ZNF516: variants seen among roughly 807,000 people sequenced by gnomAD.
ZNF516 encodes the protein zinc finger protein 516.
A neutral mutation model predicts 79.7 loss-of-function variants in ZNF516; 19 were observed. That is an observed-to-expected ratio of 0.24 (90% CI 0.17 to 0.35). The LOEUF (loss-of-function observed/expected upper bound fraction) is 0.35. Among genes scored for constraint, ZNF516 ranks in the 10% least tolerant of loss-of-function variants. The pLI, the probability that ZNF516 is intolerant of heterozygous loss-of-function variation, is 1.00. For missense variants in ZNF516, 1,678 were observed against 1,679.5 expected (o/e 1.00, Z 0.02); for synonymous variants, 877 against 739.5 (o/e 1.19, Z -3.02).
At chr18:76,429,748 T>C (rs950367056) in intron 3 of ZNF516, among the ~76,000 whole-genome samples, 1 of 152,124 alleles carries the variant, frequency 6.6e-6, no homozygotes, top group African/African-American at 2.4e-5. Flanking sequence ...CGAGAAAGAA[T>C]AACCAGGAAA....
intron 3 of ZNF516, among the ~76,000 whole-genome samples, chr18:76,406,246 A>C (rs1481071806): frequency 6.6e-6 from 1 of 152,186 alleles, no homozygotes; most frequent in South Asian, 2.1e-4. Flanking sequence ...AGCCTCGTCC[A>C]TCTACTTAGC....
intron 3 of ZNF516, among the ~76,000 whole-genome samples, chr18:76,385,261 C>T (rs1189181100): frequency 6.6e-6 from 1 of 152,220 alleles, no homozygotes; most frequent in Non-Finnish European, 1.5e-5. Flanking sequence ...TGGGTGACTT[C>T]ACTGCGTCCC....
At chr18:76,434,710 C>T (rs776485985) in intron 3 of ZNF516, among the ~76,000 whole-genome samples, 2 of 152,178 alleles carry the variant, frequency 1.3e-5, no homozygotes, top group South Asian at 2.1e-4. Flanking sequence ...CTGCCCCTCG[C>T]GGACACACCA....
intron 1 of ZNF516, among the ~76,000 whole-genome samples, chr18:76,474,618 C>T (rs998772390): frequency 1.3e-5 from 2 of 151,990 alleles, no homozygotes; most frequent in Non-Finnish European, 2.9e-5. Flanking sequence ...TTCAATTCAA[C>T]CAGTAACAAA....
At chr18:76,385,860 G>A (rs966042522) in intron 3 of ZNF516, 5 of 152,122 alleles carry the variant, frequency 3.3e-5, no homozygotes, top group African/African-American at 1.2e-4. Context: ...GGTAGCGCCG[G>A]CCCCGGTGCC....
intron 3 of ZNF516, among the ~76,000 whole-genome samples, chr18:76,431,258 C>A (rs1366369186): frequency 2.6e-5 from 4 of 152,146 alleles, no homozygotes; most frequent in African/African-American, 9.7e-5. Context: ...AGGACACACA[C>A]ACACACACAC....
intron 3 of ZNF516, among the ~76,000 whole-genome samples, chr18:76,432,629 C>T (rs1025886385): frequency 2.6e-5 from 4 of 152,206 alleles, no homozygotes; most frequent in South Asian, 2.1e-4. Context: ...TGGGCCCCAG[C>T]GCCAATGAAA....
chr18:76,378,880 G>C lies in ZNF516; in HGVS notation c.3234C>G (p.Val1078=), dbSNP rs1332404357. ...CTCTGTGCTCCAACCCAGGGCCGCT[G>C]ACACCCCATCCCTGGTAGAGGGTCG... ...DFATLYQGWG[V]SGPGLEHRGT... The change falls in exon 4 of 7, where the codon GTC becomes GTG. Residue 1078 remains valine, a synonymous_variant. Coordinates refer to ENST00000443185, the MANE Select transcript of ZNF516 (RefSeq NM_014643.4). 2 of 1,613,470 alleles carry C rather than the reference G, an allele frequency of 1.2e-6. No individual in the cohort carries two copies. Among genetic ancestry groups the C allele is most frequent in the Non-Finnish European group, 1.7e-6 (2 of 1,179,674 alleles).
intron 1 of ZNF516, chr18:76,490,706 G>A: frequency 1.1e-6 from 1 of 924,954 alleles, no homozygotes; most frequent in Non-Finnish European, 1.3e-6. Flanking sequence ...GAAACTGCAT[G>A]GCAGGCTGAC....
At chr18:76,404,888 G>GT (rs1157364524) in intron 3 of ZNF516, among the ~76,000 whole-genome samples, 11 of 152,182 alleles carry the variant, frequency 7.2e-5, no homozygotes, top group African/African-American at 2.2e-4. Context: ...GAGCATGACT[G>GT]TGAGTAGGAG....
At position 76,379,641 on chromosome 18, in the gene ZNF516, T is replaced by C; in HGVS notation, c.2473A>G (p.Lys825Glu). 1.2e-6 allele frequency: 2 copies of C among 1,613,646 alleles called. No individual in the cohort carries two copies. The highest frequency in any genetic ancestry group is 1.7e-6 in the Non-Finnish European group (2 of 1,179,876). Residue 825 changes from lysine to glutamate, a missense_variant, in exon 4 of 7, where the codon AAA becomes GAA. Lys to Glu is a moderately conservative substitution (Grantham distance 56, BLOSUM62 1). Transcript: ENST00000443185. ...RTGPPPALGG[K>E]ECQPLLLARF... ...GCAAGGAGCAAAGGCTGGCATTCTT[T>C]GCCACCGAGGGCAGGCGGGGGGCCC...
rs191291999 is a variant in ZNF516 at position 76,361,644 on chromosome 18, A to G, written c.*854T>C. ...GGACTCAGTGGCTAAATAATTTGTT[A>G]AGACGTATAGTCTTCCTTTGTAAGC... On this transcript the variant is annotated 3_prime_UTR_variant, in exon 7 of 7. Transcript: ENST00000443185. The G allele has an allele frequency of 1.3e-5, 2 of 152,348 alleles. No individual in the cohort carries two copies. Among genetic ancestry groups the G allele is most frequent in the East Asian group, 3.9e-4 (2 of 5,188 alleles). 9.4% of individuals were successfully genotyped at this position (152,348 alleles called of 1,614,324 possible). A position where few individuals can be genotyped will look rare whatever the true frequency, so the allele number is the denominator to read the frequency against.
intron 3 of ZNF516, among the ~76,000 whole-genome samples, chr18:76,425,181 G>GA (rs111600866): frequency 3.2e-4 from 47 of 144,672 alleles, no homozygotes; most frequent in East Asian, 6.0e-4. Flanking sequence ...TCAAAAAAAA[G>GA]AAAAAAAAAA....
chr18:76,456,013 ACAGT>A (rs1412854852), intron 2 of ZNF516, among the ~76,000 whole-genome samples: 1 of 152,170 alleles, frequency 6.6e-6, no homozygotes, highest in Non-Finnish European at 1.5e-5. Context: ...GCATCCTCAA[ACAGT>A]CAGGTATCGT....
At chr18:76,373,269 G>A (rs1415385589) in intron 4 of ZNF516, among the ~76,000 whole-genome samples, 1 of 151,444 alleles carries the variant, frequency 6.6e-6, no homozygotes, top group East Asian at 1.9e-4. Flanking sequence ...GGGGAAAGGA[G>A]GGGAGACAGG....
At chr18:76,473,903 T>TGTGGGGG (rs58634236) in intron 1 of ZNF516, among the ~76,000 whole-genome samples, 14 of 54,178 alleles carry the variant, frequency 2.6e-4, no homozygotes, top group Non-Finnish European at 4.2e-4. Context: ...TGTTTTTGTG[T>TGTGGGGG]GGGGGGGGGG....
intron 1 of ZNF516, chr18:76,491,105 C>T: frequency 1.0e-6 from 1 of 983,790 alleles, no homozygotes. Context: ...ACGCCTTTCC[C>T]ACCGCCCCAC....
At chr18:76,452,184 C>A (rs1290884159) in intron 2 of ZNF516, among the ~76,000 whole-genome samples, 2 of 152,202 alleles carry the variant, frequency 1.3e-5, no homozygotes, top group Non-Finnish European at 2.9e-5. Flanking sequence ...AGCAGCAACG[C>A]GGCCCCCTGA....
At chr18:76,490,044 A>C in intron 1 of ZNF516, 6 of 393,348 alleles carry the variant, frequency 1.5e-5, no homozygotes, top group Non-Finnish European at 2.1e-5. Context: ...TTAAGAAAAC[A>C]AAGCCCTACT....
Sources: gnomAD v4.1 joint callset for allele counts (sites outside exome capture counted in the v4.1 genomes callset) on GRCh38, gnomAD v4.1.1 for gene constraint, MANE v1.5 for transcripts, NCBI Gene and HGNC (gene_info 2026-07-23, HGNC 2026-07-21) for gene names.